GPC6: variants seen among roughly 807,000 people sequenced by gnomAD.
GPC6 encodes glypican-6.
A neutral mutation model predicts 55.2 loss-of-function variants in GPC6; 14 were observed. That is an observed-to-expected ratio of 0.25 (90% CI 0.17 to 0.40). The LOEUF (loss-of-function observed/expected upper bound fraction) is 0.40, where lower values mean the gene tolerates loss of function less well. Ranked by LOEUF, GPC6 falls within the 10% of genes least tolerant of loss-of-function variation. The pLI, the probability that GPC6 is intolerant of heterozygous loss-of-function variation, is 1.00. For missense variants in GPC6, 641 were observed against 708.5 expected (o/e 0.90, Z 1.08); for synonymous variants, 278 against 259.6 (o/e 1.07, Z -0.68).
chr13:93,231,317 ATATATATATATACG>A (rs1875997487), intron 1 of GPC6, among the ~76,000 whole-genome samples: 1 of 60,632 alleles, frequency 1.6e-5, no homozygotes, highest in Non-Finnish European at 2.9e-5. Context: ...CTCATTTCAT[ATATATATATATACG>A]TATATATATA....
chr13:94,251,292 G>A (rs1333040258), intron 4 of GPC6, among the ~76,000 whole-genome samples: 3 of 151,130 alleles, frequency 2.0e-5, no homozygotes, highest in Non-Finnish European at 2.9e-5. Flanking sequence ...CACACACCAG[G>A]GCCAGGCAGG....
intron 1 of GPC6, among the ~76,000 whole-genome samples, chr13:93,254,246 C>A (rs1876878116): frequency 6.6e-6 from 1 of 152,048 alleles, no homozygotes; most frequent in South Asian, 2.1e-4. Context: ...ATCACTTGAG[C>A]CCAGGAGTTT....
At chr13:93,866,773 G>A (rs1888978792) in intron 3 of GPC6, among the ~76,000 whole-genome samples, 1 of 151,622 alleles carries the variant, frequency 6.6e-6, no homozygotes, top group African/African-American at 2.4e-5. Flanking sequence ...ATGGGTACCA[G>A]GCTAAATACC....
chr13:93,453,708 G>C (rs973388281), intron 1 of GPC6, among the ~76,000 whole-genome samples: 3 of 151,504 alleles, frequency 2.0e-5, no homozygotes, highest in Admixed American at 6.6e-5. Flanking sequence ...AAGGCAGTGC[G>C]TCTGGAGTTG....
intron 6 of GPC6, among the ~76,000 whole-genome samples, chr13:94,333,355 G>A (rs764801174): frequency 6.6e-6 from 1 of 152,164 alleles, no homozygotes; most frequent in Non-Finnish European, 1.5e-5. Context: ...GAGTGTGCAG[G>A]CTCTCTGTGC....
chr13:93,358,900 GA>G lies in GPC6; in HGVS notation c.160+131287del, dbSNP rs1326304177. 2.0e-5 allele frequency among the ~76,000 whole-genome samples: 3 copies of G among 152,038 alleles called. No individual in the cohort carries two copies. The East Asian group carries it at 5.8e-4, about 29-fold the overall frequency. ...ACTGTGTAATAGATGATTAATAGGG[GA>G]AAGTGTTTTAGGTGATTGTTATGTC... On this transcript the variant is annotated intron_variant, in intron 1 of 8. Coordinates refer to ENST00000377047, the MANE Select transcript of GPC6 (RefSeq NM_005708.5).
chr13:93,562,146 C>T lies in GPC6; in HGVS notation c.319+16725C>T, dbSNP rs747229308. On this transcript the variant is annotated intron_variant, in intron 2 of 8. Coordinates refer to ENST00000377047, the MANE Select transcript of GPC6 (RefSeq NM_005708.5). The stretch of plus-strand genomic sequence containing the variant: ...TGCTAAGCCATAGTTTGTGATGGAG[C>T]CTTTCCCTTGTGATGCATAATAAAA... Among the ~76,000 whole-genome samples, 3 of 151,990 alleles carry T rather than the reference C, an allele frequency of 2.0e-5. No homozygotes were observed. In the East Asian group the frequency reaches 5.8e-4, roughly 30 times the overall value.
intron 4 of GPC6, among the ~76,000 whole-genome samples, chr13:94,108,997 G>A (rs1886151071): frequency 6.6e-6 from 1 of 152,082 alleles, no homozygotes; most frequent in African/African-American, 2.4e-5. Context: ...TTCTGCCCGA[G>A]TTTTATTTTT....
intron 4 of GPC6, among the ~76,000 whole-genome samples, chr13:94,190,564 C>T (rs1889358484): frequency 6.6e-6 from 1 of 152,166 alleles, no homozygotes. Context: ...TCCTAGTCTT[C>T]ATCCTGGGCT....
chr13:93,912,312 A>G (rs1877025891), intron 3 of GPC6, among the ~76,000 whole-genome samples: 1 of 152,196 alleles, frequency 6.6e-6, no homozygotes, highest in Non-Finnish European at 1.5e-5. Flanking sequence ...AAATACTCTC[A>G]TGATTCCAGA....
chr13:93,989,913 T>C (rs961222301), intron 3 of GPC6, among the ~76,000 whole-genome samples: 7 of 127,748 alleles, frequency 5.5e-5, no homozygotes, highest in East Asian at 4.4e-4. Flanking sequence ...TATATATATA[T>C]ACACACATAT....
intron 3 of GPC6, among the ~76,000 whole-genome samples, chr13:93,837,404 A>G (rs1342924050): frequency 6.6e-6 from 1 of 152,208 alleles, no homozygotes; most frequent in Admixed American, 6.5e-5. Context: ...TATCGAATAT[A>G]AACTTCTGTC....
At chr13:94,067,164 C>T (rs1183246531) in intron 4 of GPC6, among the ~76,000 whole-genome samples, 3 of 152,074 alleles carry the variant, frequency 2.0e-5, no homozygotes, top group Admixed American at 6.5e-5. Context: ...TACTCAAATT[C>T]CAAAGTTATC....
At chr13:94,058,133 T>C (rs1177622366) in intron 4 of GPC6, among the ~76,000 whole-genome samples, 2 of 152,234 alleles carry the variant, frequency 1.3e-5, no homozygotes, top group Non-Finnish European at 2.9e-5. Flanking sequence ...AAGATCATAA[T>C]GCTCAGGACT....
At chr13:93,230,074 C>T (rs1875956294) in intron 1 of GPC6, among the ~76,000 whole-genome samples, 1 of 151,946 alleles carries the variant, frequency 6.6e-6, no homozygotes, top group Non-Finnish European at 1.5e-5. Flanking sequence ...TTATCCTTTG[C>T]CTTGATTGGG....
intron 3 of GPC6, among the ~76,000 whole-genome samples, chr13:93,990,747 T>C (rs1594647512): frequency 6.6e-6 from 1 of 151,582 alleles, no homozygotes; most frequent in East Asian, 1.9e-4. Flanking sequence ...TGCCTGTTCC[T>C]AGCTACTTGG....
At position 93,658,072 on chromosome 13, in the gene GPC6, T is replaced by C. The variant is rs190666149; in HGVS notation, c.319+112651T>C. Reference sequence around the variant, plus strand: ...ATGTACACCCTGAACCTAAAATAAATGTTGGCAAGAAAAAATACATTTTAA... The same window carrying C: ...ATGTACACCCTGAACCTAAAATAAACGTTGGCAAGAAAAAATACATTTTAA... On this transcript the variant is annotated intron_variant, in intron 2 of 8. Coordinates refer to ENST00000377047, the MANE Select transcript of GPC6 (RefSeq NM_005708.5). Among the ~76,000 whole-genome samples the C allele has an allele frequency of 2.2e-3, 331 of 152,116 alleles. 2 individuals are homozygous for C. The highest frequency in any genetic ancestry group is 7.5e-3 in the African/African-American group (311 of 41,566).
chr13:93,458,565 A>G (rs1416551846), intron 1 of GPC6, among the ~76,000 whole-genome samples: 1 of 152,168 alleles, frequency 6.6e-6, no homozygotes, highest in Non-Finnish European at 1.5e-5. Context: ...TAGATGTAAT[A>G]AGTATTACAT....
intron 1 of GPC6, among the ~76,000 whole-genome samples, chr13:93,343,114 TA>T (rs1243887081): frequency 6.6e-6 from 1 of 152,050 alleles, no homozygotes. Flanking sequence ...TAATGGGAAA[TA>T]ATGACAACCC....
Sources: gnomAD v4.1 joint callset for allele counts (sites outside exome capture counted in the v4.1 genomes callset) on GRCh38, gnomAD v4.1.1 for gene constraint, MANE v1.5 for transcripts, NCBI Gene and HGNC (gene_info 2026-07-23, HGNC 2026-07-21) for gene names.